DNM1: variants seen among roughly 807,000 people sequenced by gnomAD.
DNM1 encodes dynamin 1.
A neutral mutation model predicts 104.6 loss-of-function variants in DNM1; 29 were observed. That is an observed-to-expected ratio of 0.28 (90% CI 0.21 to 0.38). DNM1 has a LOEUF of 0.38. Ranked by LOEUF, DNM1 falls within the 10% of genes least tolerant of loss-of-function variation. The pLI, the probability that DNM1 is intolerant of heterozygous loss-of-function variation, is 1.00. For missense variants in DNM1, 640 were observed against 1,189.4 expected (o/e 0.54, Z 6.79); for synonymous variants, 445 against 475.8 (o/e 0.94, Z 0.84).
intron 1 of DNM1, among the ~76,000 whole-genome samples, chr9:128,217,291 C>T (rs544145999): frequency 6.6e-6 from 1 of 152,326 alleles, no homozygotes; most frequent in South Asian, 2.1e-4. Context: ...CTGAATGTCT[C>T]TAAGGTGCAG....
chr9:128,218,918 C>T lies in DNM1; in HGVS notation c.386-131C>T. The T allele has an allele frequency of 7.7e-7, 1 of 1,298,438 alleles. No individual in the cohort carries two copies. Among genetic ancestry groups the T allele is most frequent in the Admixed American group, 2.2e-5 (1 of 46,198 alleles). 80.4% of individuals were successfully genotyped at this position (1,298,438 alleles called of 1,614,324 possible). ...CGCCTCCAACAGACTGCCACTTTCG[C>T]CCTGAGATTTCCTAGTCCCACCCAC... On this transcript the variant is annotated intron_variant, in intron 3 of 21. Coordinates refer to ENST00000372923, the MANE Select transcript of DNM1 (RefSeq NM_004408.4). This position sits in a 1 kb window ranked among gnomAD's most constrained non-coding sequence, Gnocchi z 4.8.
rs1834750650 is a variant in DNM1, at chr9:128,218,540, C to T, written c.236-42C>T. On this transcript the variant is annotated intron_variant, in intron 2 of 21. Coordinates refer to ENST00000372923, the MANE Select transcript of DNM1 (RefSeq NM_004408.4). This position sits in a 1 kb window ranked among gnomAD's most constrained non-coding sequence, Gnocchi z 4.8. ...GAAAACCCCCAGGTGGGGTTCCAGA[C>T]CTTGATGCCTACTGCCCTTCCCCTG... 5.7e-6 allele frequency: 9 copies of T among 1,585,592 alleles called. No individual in the cohort carries two copies. The highest frequency in any genetic ancestry group is 7.7e-6 in the Non-Finnish European group (9 of 1,161,694).
chr9:128,246,813 C>T, intron 16 of DNM1: 1 of 437,862 alleles, frequency 2.3e-6, no homozygotes, highest in Non-Finnish European at 4.3e-6. Context: ...TCCCTCCCTC[C>T]GTCCCTTCCT....
chr9:128,231,877 C>G, intron 10 of DNM1: 2 of 370,800 alleles, frequency 5.4e-6, no homozygotes, highest in Admixed American at 6.8e-5. Flanking sequence ...GGCTTTGAAC[C>G]CAGGGCTGAA....
rs1303569100 is a variant in DNM1 at position 128,218,205 on chromosome 9, C to A, written c.162-26C>A. ...GAGGGCGCCCCCTCATATCTTGACC[C>A]TCCTTTGACCTCCAACTCATTGCAG... On this transcript the variant is annotated intron_variant, in intron 1 of 21. Transcript: ENST00000372923. This position sits in a 1 kb window ranked among gnomAD's most constrained non-coding sequence, Gnocchi z 4.8. The A allele has an allele frequency of 1.2e-6, 2 of 1,613,044 alleles. No individual in the cohort carries two copies. Among genetic ancestry groups the A allele is most frequent in the Non-Finnish European group, 1.7e-6 (2 of 1,179,034 alleles).
Position 128,250,452 on chromosome 9 carries a change from G to T in DNM1, c.2318+96G>T. The T allele has an allele frequency of 6.0e-6, 8 of 1,343,122 alleles. No homozygotes were observed. In the South Asian group the frequency reaches 8.9e-5, roughly 15 times the overall value. 83.2% of individuals were successfully genotyped at this position (1,343,122 alleles called of 1,614,324 possible). On this transcript the variant is annotated intron_variant, in intron 20 of 21. Transcript: ENST00000372923. ...GCAGTGGCGCGCCCGCGTCACCGGG[G>T]TGGCTCCCACCTGGAGCGAGGGGCG...
chr9:128,218,122 C>A lies in DNM1; in HGVS notation c.162-109C>A. ...GCCCCTGGGCTAAGGAGCGGTGGAG[C>A]CAGCACTTTGGAAGGAGCTTTGGCT... is the stretch of plus-strand genomic sequence containing the variant. On this transcript the variant is annotated intron_variant, in intron 1 of 21. Coordinates refer to ENST00000372923, the MANE Select transcript of DNM1 (RefSeq NM_004408.4). This position sits in a 1 kb window ranked among gnomAD's most constrained non-coding sequence, Gnocchi z 4.8. 1 of 1,028,842 alleles carries A rather than the reference C, an allele frequency of 9.7e-7. No individual in the cohort carries two copies. The highest frequency in any genetic ancestry group is 1.5e-6 in the Non-Finnish European group (1 of 647,874). The allele number at this position is 1,028,842 out of a possible 1,614,324, so 63.7% of individuals were successfully genotyped here.
chr9:128,230,838 T>C (rs1320430448), intron 10 of DNM1, among the ~76,000 whole-genome samples: 1 of 152,114 alleles, frequency 6.6e-6, no homozygotes, highest in East Asian at 1.9e-4. Flanking sequence ...AGTCTTGCTC[T>C]GTCACCCAGG....
In DNM1 at chr9:128,245,035, G is replaced by A. The variant is rs1441542111; in HGVS notation, c.1672-1359G>A. Reference sequence around the variant, plus strand: ...TGGGGCTGAGAAGGAGGGGCCTGAGGAGGGGGCCGGCCGGCAGGAAGGGAG... The same window carrying A: ...TGGGGCTGAGAAGGAGGGGCCTGAGAAGGGGGCCGGCCGGCAGGAAGGGAG... On this transcript the variant is annotated intron_variant, in intron 15 of 21. Coordinates refer to ENST00000372923, the MANE Select transcript of DNM1 (RefSeq NM_004408.4). This position sits in a 1 kb window ranked among gnomAD's most constrained non-coding sequence, Gnocchi z 5.2. The A allele has an allele frequency of 1.1e-5, 3 of 275,246 alleles. No individual in the cohort carries two copies. The highest frequency in any genetic ancestry group is 2.3e-5 in the Non-Finnish European group (3 of 132,806). 17.1% of individuals were successfully genotyped at this position (275,246 alleles called of 1,614,324 possible). A position where few individuals can be genotyped will look rare whatever the true frequency, so the allele number is the denominator to read the frequency against.
chr9:128,213,128 C>T (rs1834402334), intron 1 of DNM1, among the ~76,000 whole-genome samples: 2 of 152,220 alleles, frequency 1.3e-5, no homozygotes, highest in South Asian at 4.1e-4. Flanking sequence ...GTCATCCAGG[C>T]TGGAGTACAG....
intron 6 of DNM1, among the ~76,000 whole-genome samples, chr9:128,221,724 T>A (rs1220929098): frequency 6.6e-6 from 1 of 151,956 alleles, no homozygotes; most frequent in Non-Finnish European, 1.5e-5. Flanking sequence ...GGCGAAAACC[T>A]GTACTAAAAA....
Position 128,243,300 on chromosome 9 carries a change from C to T in DNM1, c.1671+955C>T, listed in dbSNP as rs928870753. Among the ~76,000 whole-genome samples, 1 of 152,062 alleles carries T rather than the reference C, an allele frequency of 6.6e-6. No homozygotes were observed. The highest frequency in any genetic ancestry group is 2.4e-5 in the African/African-American group (1 of 41,394). ...GAGAATGGGGAGGGCTGGGGGTGGG[C>T]TTGTGGTAATGAACTCCAGCTGGCC... is the stretch of plus-strand genomic sequence containing the variant. On this transcript the variant is annotated intron_variant, in intron 15 of 21. Coordinates refer to ENST00000372923, the MANE Select transcript of DNM1 (RefSeq NM_004408.4). The surrounding 1 kb of genome is among the most constrained non-coding windows in gnomAD (Gnocchi z 4.0).
intron 1 of DNM1, among the ~76,000 whole-genome samples, chr9:128,211,317 G>A (rs1409248934): frequency 6.6e-6 from 1 of 152,140 alleles, no homozygotes; most frequent in Non-Finnish European, 1.5e-5. Context: ...CCTGAGTTGG[G>A]CCCCTGAGGG....
At chr9:128,219,312 AG>A in intron 4 of DNM1, 60 bp downstream of exon 4, 1 of 1,444,320 alleles carries the variant, frequency 6.9e-7, no homozygotes, top group South Asian at 1.1e-5. Context: ...GTCTATTCTT[AG>A]TGTAAAGGGG....
chr9:128,222,077 T>G lies in DNM1; in HGVS notation c.850-120T>G. 6 of 1,251,176 alleles carry G rather than the reference T, an allele frequency of 4.8e-6. No homozygotes were observed. Among genetic ancestry groups the G allele is most frequent in the Non-Finnish European group, 6.6e-6 (6 of 909,464 alleles). 77.5% of individuals were successfully genotyped at this position (1,251,176 alleles called of 1,614,324 possible). On this transcript the variant is annotated intron_variant, in intron 6 of 21. Coordinates refer to ENST00000372923, the MANE Select transcript of DNM1 (RefSeq NM_004408.4). The surrounding 1 kb of genome is among the most constrained non-coding windows in gnomAD (Gnocchi z 7.8). ...TTCTTGCTAGTGGCCCGGGCAGCAG[T>G]GGCAGGGCTGCCCTCCATAGCTCTC...
At chr9:128,213,206 C>T (rs369791195) in intron 1 of DNM1, among the ~76,000 whole-genome samples, 16 of 152,184 alleles carry the variant, frequency 1.1e-4, no homozygotes, top group African/African-American at 3.9e-4. Context: ...CTCAGTCTCC[C>T]GAGTAGCTGG....
At position 128,247,852 on chromosome 9, in the gene DNM1, C is replaced by T. The variant is rs1248446206; in HGVS notation, c.1894-72C>T. 9 of 1,588,302 alleles carry T rather than the reference C, an allele frequency of 5.7e-6. No homozygotes were observed. The highest frequency in any genetic ancestry group is 6.9e-6 in the Non-Finnish European group (8 of 1,164,210). ...GGTTCACTCAATCTCTCCCCTTTTC[C>T]TCTCTGTGTTTCCTTCGGCTGTGCT... On this transcript the variant is annotated intron_variant, in intron 17 of 21. Transcript: ENST00000372923. This position sits in a 1 kb window ranked among gnomAD's most constrained non-coding sequence, Gnocchi z 5.1.
intron 3 of DNM1, 28 bp from the exon 4 acceptor site, chr9:128,219,021 G>T (rs771549971): frequency 3.1e-6 from 5 of 1,611,436 alleles, no homozygotes; most frequent in Non-Finnish European, 3.4e-6. Context: ...CCCTCGCCTT[G>T]AGCCCGCCCT....
chr9:128,242,768 A>G (rs907291329), intron 15 of DNM1, among the ~76,000 whole-genome samples: 2 of 152,142 alleles, frequency 1.3e-5, no homozygotes, highest in East Asian at 1.9e-4. Flanking sequence ...TCAAAAAAAA[A>G]GGATCCACGG....
Sources: gnomAD v4.1 joint callset for allele counts (sites outside exome capture counted in the v4.1 genomes callset) on GRCh38, gnomAD v4.1.1 for gene constraint, Gnocchi (gnomAD v3.1) non-coding constraint, MANE v1.5 for transcripts, NCBI Gene and HGNC (gene_info 2026-07-23, HGNC 2026-07-21) for gene names.